Variants in SMG1 observed in about 807,000 individuals in gnomAD.
SMG1 encodes the protein serine/threonine-protein kinase SMG1.
Under a neutral mutation model 419.9 loss-of-function variants are expected in SMG1, and 22 were observed. The ratio of observed to expected loss-of-function variants is 0.05; its 90% confidence interval spans 0.04 to 0.07. SMG1 has a LOEUF of 0.07. SMG1 is among the 10% of genes least tolerant of loss of function. SMG1 has a pLI of 1.00. For synonymous variants in SMG1, 1,538 were observed against 1,553.5 expected, an observed-to-expected ratio of 0.99 and a Z score of 0.23; for missense variants, 3,185 against 4,342.0, an observed-to-expected ratio of 0.73 and a Z score of 7.49.
intron 1 of SMG1, among the ~76,000 whole-genome samples, chr16:18,923,852 G>A (rs1278607180): frequency 1.3e-5 from 2 of 151,978 alleles, no homozygotes; most frequent in Non-Finnish European, 2.9e-5. Flanking sequence ...TTCTGAATAG[G>A]GGACAGAATC....
intron 1 of SMG1, among the ~76,000 whole-genome samples, chr16:18,921,927 G>A (rs978904434): frequency 6.6e-6 from 1 of 152,166 alleles, no homozygotes; most frequent in Non-Finnish European, 1.5e-5. Flanking sequence ...CCTTTTAGAA[G>A]TATAGAAAGA....
At chr16:18,883,497 C>CA (rs1367790606) in intron 9 of SMG1, among the ~76,000 whole-genome samples, 1 of 152,142 alleles carries the variant, frequency 6.6e-6, no homozygotes, top group African/African-American at 2.4e-5. Flanking sequence ...AAATAAATAA[C>CA]AAAAAATGTC....
Position 18,812,007 on chromosome 16 carries a change from G to A in SMG1, c.10742C>T (p.Thr3581Ile). 1 of 1,614,030 alleles carries A rather than the reference G, an allele frequency of 6.2e-7. No individual in the cohort carries two copies. The highest frequency in any genetic ancestry group is 2.2e-5 in the East Asian group (1 of 44,888). The change falls in exon 61 of 63, where the codon ACT becomes ATT. Residue 3581 changes from threonine (T) to isoleucine (I), a missense_variant. Around this residue, in one of 27 missense-constraint regions of SMG1, gnomAD observed 737 missense variants for 846.6 expected, o/e 0.87. Coordinates refer to ENST00000446231, the MANE Select transcript of SMG1 (RefSeq NM_015092.5). The stretch of plus-strand genomic sequence containing the variant: ...AGGACTACAAGCAACACTCTTGCCA[G>A]TTCCTGGAACGGTGCTTGGTGGAGT... ...ADTPPSTVPG[T>I]GKSVACSPKK...
chr16:18,847,653 C>T (rs1019216833), intron 37 of SMG1, 46 bp from the exon 38 acceptor site: 2 of 1,610,068 alleles, frequency 1.2e-6, no homozygotes, highest in African/African-American at 1.3e-5. Flanking sequence ...AGCCTATGCA[C>T]AGCACAGCTC....
intron 9 of SMG1, among the ~76,000 whole-genome samples, chr16:18,882,802 A>G (rs1438178234): frequency 2.6e-5 from 4 of 152,224 alleles, no homozygotes; most frequent in Admixed American, 2.6e-4. Context: ...CAGATGTGTA[A>G]TTGAAGAAGT....
intron 1 of SMG1, among the ~76,000 whole-genome samples, chr16:18,899,637 T>C (rs2037270167): frequency 6.6e-6 from 1 of 152,146 alleles, no homozygotes; most frequent in African/African-American, 2.4e-5. Context: ...AATAGAAAAC[T>C]GTTAAAGAAC....
At chr16:18,897,413 A>G (rs1434851269) in intron 1 of SMG1, among the ~76,000 whole-genome samples, 1 of 152,216 alleles carries the variant, frequency 6.6e-6, no homozygotes, top group East Asian at 1.9e-4. Context: ...CACTGGCAGC[A>G]TGTCAGGGAC....
intron 1 of SMG1, among the ~76,000 whole-genome samples, chr16:18,923,752 T>C (rs1309846811): frequency 6.6e-6 from 1 of 152,072 alleles, no homozygotes; most frequent in African/African-American, 2.4e-5. Flanking sequence ...CCATAATAAA[T>C]GTGCCTGCAT....
intron 1 of SMG1, among the ~76,000 whole-genome samples, chr16:18,918,115 C>T (rs994297085): frequency 1.3e-5 from 2 of 151,662 alleles, no homozygotes; most frequent in Non-Finnish European, 2.9e-5. Flanking sequence ...AAAAGATTAG[C>T]CGGGTGTGGT....
intron 3 of SMG1, among the ~76,000 whole-genome samples, chr16:18,895,488 T>C (rs1189596219): frequency 1.3e-5 from 2 of 149,412 alleles, no homozygotes; most frequent in Admixed American, 6.8e-5. Context: ...AAAAAATATA[T>C]TGAAAACAAC....
chr16:18,866,316 T>C, intron 23 of SMG1: 1 of 408,802 alleles, frequency 2.4e-6, no homozygotes, highest in Non-Finnish European at 4.5e-6. Context: ...TAAAGGGTAA[T>C]TTGTATCAGA....
chr16:18,838,315 A>G, intron 44 of SMG1, 42 bp downstream of exon 44: 1 of 1,606,756 alleles, frequency 6.2e-7, no homozygotes, highest in Non-Finnish European at 8.5e-7. Context: ...GGTTTTGCTC[A>G]TTTAACAAAT....
intron 1 of SMG1, 169 bp downstream of exon 1, chr16:18,925,781 T>G (rs1326317844): frequency 2.1e-6 from 1 of 476,144 alleles, no homozygotes; most frequent in Non-Finnish European, 3.6e-6. Context: ...AGGCCTCGCC[T>G]CCCCGCGGCC....
At chr16:18,875,963 C>T in intron 13 of SMG1, 161 bp downstream of exon 13, 1 of 718,582 alleles carries the variant, frequency 1.4e-6, no homozygotes, top group South Asian at 2.1e-5. Flanking sequence ...GCCAAGAAAA[C>T]ATTCCTACCA....
Position 18,815,602 on chromosome 16 carries a change from C to G in SMG1, c.10352G>C (p.Ser3451Thr). The change falls in exon 59 of 63, where the codon AGT (serine) becomes ACT (threonine). Residue 3451 changes from serine (S) to threonine (T), a missense_variant. This residue lies in a region of SMG1 where 737 missense variants were observed against 846.6 expected (regional missense o/e 0.87). Transcript: ENST00000446231. ...ADGEDVPYEN[S>T]VRQFLGEYKS... ...ATATTCACCCAAAAACTGCCTAACA[C>G]TGTTCTCATAGGGAACATCTTCACC... The G allele has an allele frequency of 6.2e-7, 1 of 1,614,014 alleles. No individual in the cohort carries two copies.
chr16:18,842,871 T>A (rs2034006679), intron 39 of SMG1, among the ~76,000 whole-genome samples: 1 of 152,162 alleles, frequency 6.6e-6, no homozygotes, highest in African/African-American at 2.4e-5. Context: ...CACACAACTA[T>A]CTGCTGTTCT....
chr16:18,836,849 T>C (rs919700590), intron 46 of SMG1, among the ~76,000 whole-genome samples: 2 of 152,228 alleles, frequency 1.3e-5, no homozygotes, highest in Non-Finnish European at 2.9e-5. Flanking sequence ...ACTACCCTTT[T>C]ACTGAGCACC....
chr16:18,815,130 T>C (rs761729255), intron 60 of SMG1, 45 bp downstream of exon 60: 2 of 1,169,784 alleles, frequency 1.7e-6, no homozygotes, highest in East Asian at 5.1e-5. Flanking sequence ...TTAGCATCTA[T>C]GTGTAACATT....
intron 1 of SMG1, among the ~76,000 whole-genome samples, chr16:18,912,586 GTAAC>G (rs1255195417): frequency 3.3e-5 from 5 of 152,012 alleles, no homozygotes; most frequent in Admixed American, 2.0e-4. Context: ...TACCATCATA[GTAAC>G]TACACGATAG....
Sources: gnomAD v4.1 joint callset for allele counts (sites outside exome capture counted in the v4.1 genomes callset) on GRCh38, gnomAD v4.1.1 for gene constraint, gnomAD v4.1.1 regional missense constraint, MANE v1.5 for transcripts, NCBI Gene and HGNC (gene_info 2026-07-23, HGNC 2026-07-21) for gene names.